Variants in LAMA1 observed in about 807,000 individuals in gnomAD.
LAMA1 encodes the protein laminin subunit alpha-1.
LAMA1 carries 219 observed loss-of-function variants against 348.7 expected under a neutral mutation model. That is an observed-to-expected ratio of 0.63 (90% CI 0.56 to 0.70). The LOEUF is 0.70. LAMA1 is among the 30% of genes least tolerant of loss of function. The probability of loss-of-function intolerance (pLI) is 0.00; values close to 1 mark genes in which losing one functional copy is unlikely to be tolerated. For missense variants in LAMA1, 3,744 were observed against 3,888.0 expected, an observed-to-expected ratio of 0.96 and a Z score of 0.99; for synonymous variants, 1,487 against 1,491.0, an observed-to-expected ratio of 1.00 and a Z score of 0.06.
At position 7,033,936 on chromosome 18, in the gene LAMA1, A is replaced by G. The variant is rs137856919; in HGVS notation, c.2051+543T>C. On this transcript the variant is annotated intron_variant, in intron 14 of 62. Transcript: ENST00000389658. ...TTTTTAGTAGAGATGGGGTTTCACC[A>G]TGTTGGCCAGGCTGGTCTCAAACTC... is the stretch of plus-strand genomic sequence containing the variant. 3.9e-3 allele frequency among the ~76,000 whole-genome samples: 598 copies of G among 152,126 alleles called. 6 individuals carry two copies. The highest frequency in any genetic ancestry group is 0.014 in the African/African-American group (572 of 41,496).
chr18:6,982,558 C>G lies in LAMA1; in HGVS notation c.5829G>C (p.Ala1943=), dbSNP rs779914431. ...LSESLVSNGK[A]AVQRSSRFLK... ...GAAATCTGGAGCTGCGCTGCACGGC[C>G]GCTTTCCCGTTAGAAACAAGGGATT... The change falls in exon 41 of 63, where the codon GCG becomes GCC. Residue 1943 remains alanine (A), a synonymous_variant. Transcript: ENST00000389658. The G allele has an allele frequency of 3.1e-6, 5 of 1,614,170 alleles. No individual in the cohort carries two copies. In the South Asian group the frequency reaches 4.4e-5, roughly 14 times the overall value.
chr18:7,042,897 A>G (rs1239965423), intron 8 of LAMA1: 1 of 254,458 alleles, frequency 3.9e-6, no homozygotes, highest in Non-Finnish European at 7.1e-6. Context: ...ATAAAAATTA[A>G]AAAAAAAAGA....
rs557422582 is a variant in LAMA1, at chr18:6,959,351, T to C, written c.7768A>G (p.Arg2590Gly). ...DGQAHSISLV[R>G]NRRIITVQLD... ...GCCGCGTGCAAGTACCTCCGATTCC[T>C]GACCAAGGAGATGGAATGCGCTTGT... Residue 2590 changes from arginine to glycine, a missense_variant, in exon 54 of 63, where the codon AGG (arginine) becomes GGG (glycine). Arg to Gly is a moderately radical substitution (Grantham distance 125). Transcript: ENST00000389658. 6.2e-7 allele frequency: 1 copy of C among 1,614,128 alleles called. No homozygotes were observed. The highest frequency in any genetic ancestry group is 8.5e-7 in the Non-Finnish European group (1 of 1,180,024).
chr18:7,113,248 T>C, intron 1 of LAMA1, among the ~76,000 whole-genome samples: 1 of 152,196 alleles, frequency 6.6e-6, no homozygotes, highest in East Asian at 1.9e-4. Flanking sequence ...ATGAAAGATG[T>C]GTCCGGCACT....
At position 6,999,549 on chromosome 18, in the gene LAMA1, T is replaced by C. The variant is rs1294052344; in HGVS notation, c.4559A>G (p.Asp1520Gly). The change falls in exon 32 of 63, where the codon GAC becomes GGC. Residue 1520 changes from aspartate to glycine, a missense_variant. By Grantham distance (94) the Asp-to-Gly change is moderately conservative. Around this residue, in one of 3 missense-constraint regions of LAMA1, gnomAD observed 1,983 missense variants for 1,934.3 expected, o/e 1.03. Coordinates refer to ENST00000389658, the MANE Select transcript of LAMA1 (RefSeq NM_005559.4). Reference sequence around the variant, plus strand: ...GCACTGCCCAGATGTGCGGTCACAGTCACCGTGGACAGAGCCGTGCGGGTT... The same window carrying C: ...GCACTGCCCAGATGTGCGGTCACAGCCACCGTGGACAGAGCCGTGCGGGTT... ...DCNPHGSVHG[D>G]CDRTSGQCVC... The C allele has an allele frequency of 6.2e-7, 1 of 1,614,098 alleles. No individual in the cohort carries two copies. Among genetic ancestry groups the C allele is most frequent in the Admixed American group, 1.7e-5 (1 of 60,016 alleles).
rs1053345134 is a variant in LAMA1, at chr18:7,024,396, C to T, written c.2473G>A (p.Gly825Arg). ...VCDWCAPGYS[G>R]AWCERCADGY... ...GCAGAGTACCTCTCACACCAAGCTC[C>T]TGAGTAGCCCGGGGCACACCAGTCA... Residue 825 changes from glycine (G) to arginine (R), a missense_variant, in exon 18 of 63, where the codon GGA becomes AGA. Physicochemically the swap from Gly to Arg is moderately radical, Grantham distance 125 (BLOSUM62 -2). Transcript: ENST00000389658. 6.2e-7 allele frequency: 1 copy of T among 1,613,956 alleles called. No individual in the cohort carries two copies. The highest frequency in any genetic ancestry group is 1.3e-5 in the African/African-American group (1 of 74,916).
At chr18:6,978,942 C>G (rs1323285417) in intron 42 of LAMA1, among the ~76,000 whole-genome samples, 1 of 152,158 alleles carries the variant, frequency 6.6e-6, no homozygotes, top group African/African-American at 2.4e-5. Context: ...CAAACAGCCA[C>G]TCAAGGTAAA....
chr18:7,039,083 C>T (rs1020322521), intron 10 of LAMA1, 133 bp from the exon 11 acceptor site: 4 of 772,348 alleles, frequency 5.2e-6, no homozygotes, highest in Non-Finnish European at 9.2e-6. Flanking sequence ...AAGGTGAGGC[C>T]TCATAAAGTC....
chr18:7,115,696 C>T (rs957745676), intron 1 of LAMA1, among the ~76,000 whole-genome samples: 5 of 150,284 alleles, frequency 3.3e-5, no homozygotes, highest in Non-Finnish European at 7.4e-5. Context: ...TCAGGCCGGG[C>T]GCGGCGGCTC....
At chr18:7,040,326 G>C in intron 9 of LAMA1, 90 bp from the exon 10 acceptor site, 1 of 1,379,736 alleles carries the variant, frequency 7.2e-7, no homozygotes, top group Non-Finnish European at 1.0e-6. Flanking sequence ...AGGGTCAGAG[G>C]GTATCTATTT....
intron 1 of LAMA1, among the ~76,000 whole-genome samples, chr18:7,106,421 G>A (rs182901012): frequency 1.1e-3 from 171 of 150,746 alleles, no homozygotes; most frequent in African/African-American, 3.9e-3. Context: ...GTGCAGTGGC[G>A]TAATCTCAGC....
chr18:7,044,364 T>A (rs1353665562), intron 7 of LAMA1, among the ~76,000 whole-genome samples: 1 of 152,060 alleles, frequency 6.6e-6, no homozygotes, highest in East Asian at 1.9e-4. Context: ...CTACATACTT[T>A]TACATATTGT....
chr18:7,042,248 C>T lies in LAMA1; in HGVS notation c.1158G>A (p.Val386=). ...GGCAAGGCTCATCCTCATAAGGAGACACCTGAAAGGCAGAGGTTGCCCTGG... is the reference window on the plus strand; with the variant it reads ...GGCAAGGCTCATCCTCATAAGGAGATACCTGAAAGGCAGAGGTTGCCCTGG... ...CIDGYYRPHK[V]SPYEDEPCRP... is the part of the protein sequence containing the mutation. Residue 386 remains valine, a splice_region_variant and synonymous_variant, in exon 9 of 63, where the codon GTG becomes GTA. Coordinates refer to ENST00000389658, the MANE Select transcript of LAMA1 (RefSeq NM_005559.4). The T allele has an allele frequency of 1.9e-6, 3 of 1,595,890 alleles. No individual in the cohort carries two copies. Among genetic ancestry groups the T allele is most frequent in the Non-Finnish European group, 2.6e-6 (3 of 1,165,546 alleles).
intron 13 of LAMA1, 135 bp from the exon 14 acceptor site, chr18:7,034,825 G>T: frequency 1.4e-6 from 1 of 711,348 alleles, no homozygotes; most frequent in Non-Finnish European, 2.4e-6. Context: ...GTAATGGTGT[G>T]TACAGCTCTT....
intron 1 of LAMA1, among the ~76,000 whole-genome samples, chr18:7,086,750 C>T (rs1185128590): frequency 6.6e-6 from 1 of 152,180 alleles, no homozygotes; most frequent in Admixed American, 6.5e-5. Context: ...CGCACGGGAC[C>T]GAGCACCTAA....
rs1274129181 is a variant in LAMA1 at position 7,080,049 on chromosome 18, T to C, written c.271A>G (p.Asn91Asp). The C allele has an allele frequency of 9.9e-6, 16 of 1,613,962 alleles. No individual in the cohort carries two copies. Among genetic ancestry groups the C allele is most frequent in the Non-Finnish European group, 1.4e-5 (16 of 1,179,942 alleles). The stretch of plus-strand genomic sequence containing the variant: ...TGAATGCTGGGACTTTGCCACCAGT[T>C]ATTGGTGCCATCTATGGCATGTGAT... Reference protein sequence around the residue: ...PISHAIDGTNNWWQSPSIQNG... With the variant: ...PISHAIDGTNDWWQSPSIQNG... The change falls in exon 3 of 63, where the codon AAC (asparagine) becomes GAC (aspartate). Residue 91 changes from asparagine (N) to aspartate (D), a missense_variant. By Grantham distance (23) the Asn-to-Asp change is conservative (BLOSUM62 1). Around this residue, in one of 3 missense-constraint regions of LAMA1, gnomAD observed 1,529 missense variants for 1,689.4 expected, o/e 0.91. Transcript: ENST00000389658.
At chr18:7,025,923 C>A in intron 17 of LAMA1, 56 bp downstream of exon 17, 1 of 1,571,706 alleles carries the variant, frequency 6.4e-7, no homozygotes, top group Non-Finnish European at 8.6e-7. Flanking sequence ...TAGTACGCAT[C>A]TGGGTGGGAA....
rs769059599 is a variant in LAMA1, at chr18:6,977,787, C to G, written c.6285G>C (p.Leu2095=). ...LKPLKMLEEN[L]SRNLSEIKLL... ...GTTTAATTTCTGATAGGTTTCTGCT[C>G]AGATTCTCCTCTAACATCTTCAAAG... is the stretch of plus-strand genomic sequence containing the variant. Residue 2095 remains leucine, a synonymous_variant, in exon 44 of 63, where the codon CTG becomes CTC. Coordinates refer to ENST00000389658, the MANE Select transcript of LAMA1 (RefSeq NM_005559.4). 7 of 1,614,200 alleles carry G rather than the reference C, an allele frequency of 4.3e-6. No homozygotes were observed. The Admixed American group carries it at 1.2e-4, about 27-fold the overall frequency.
Position 6,964,786 on chromosome 18 carries a change from C to A in LAMA1, c.7213G>T (p.Asp2405Tyr), listed in dbSNP as rs371549771. ...TCTTTATTACTGGTGTTATAGGCAT[C>A]GATAACTGCTAGCACTCCTAAAAGG... The part of the protein sequence containing the change: ...NRKQGVLAVI[D>Y]AYNTSNKETK... Residue 2405 changes from aspartate (D) to tyrosine (Y), a missense_variant, in exon 51 of 63, where the codon GAT becomes TAT. Asp to Tyr is a radical substitution (Grantham distance 160, BLOSUM62 -3). Around this residue, in one of 3 missense-constraint regions of LAMA1, gnomAD observed 1,983 missense variants for 1,934.3 expected, o/e 1.03. Coordinates refer to ENST00000389658, the MANE Select transcript of LAMA1 (RefSeq NM_005559.4). The A allele has an allele frequency of 6.2e-7, 1 of 1,613,976 alleles. No homozygotes were observed. The highest frequency in any genetic ancestry group is 1.1e-5 in the South Asian group (1 of 91,074).
Sources: allele counts gnomAD v4.1 joint callset (sites outside exome capture counted in the v4.1 genomes callset), GRCh38; gene constraint gnomAD v4.1.1; regional missense constraint gnomAD v4.1.1; transcripts MANE v1.5; gene names NCBI Gene and HGNC (gene_info 2026-07-23, HGNC 2026-07-21).